The following ANKRD44 variants were observed in gnomAD, a reference collection of about 807,000 sequenced individuals.
ANKRD44 encodes ankyrin repeat domain 44, also known as serine/threonine-protein phosphatase 6 regulatory ankyrin repeat subunit B.
Under a neutral mutation model 116.0 loss-of-function variants are expected in ANKRD44, and 35 were observed. The observed-to-expected ratio is 0.30, with a 90% CI of 0.23 to 0.40. ANKRD44 has a LOEUF of 0.40. ANKRD44 is among the 10% of genes least tolerant of loss of function. The probability of loss-of-function intolerance (pLI) is 1.00; values close to 1 mark genes in which losing one functional copy is unlikely to be tolerated. For missense variants in ANKRD44, 1,014 were observed against 1,242.6 expected (o/e 0.82, Z 2.77); for synonymous variants, 435 against 461.8 (o/e 0.94, Z 0.74).
intron 17 of ANKRD44, among the ~76,000 whole-genome samples, chr2:197,014,585 C>T (rs1225248147): frequency 1.3e-5 from 2 of 151,956 alleles, no homozygotes; most frequent in Non-Finnish European, 2.9e-5. Flanking sequence ...GTCAGGCATT[C>T]GAGACCAGTC....
intron 16 of ANKRD44, among the ~76,000 whole-genome samples, chr2:197,064,059 G>T (rs183585203): frequency 8.7e-4 from 132 of 152,262 alleles, no homozygotes; most frequent in African/African-American, 2.9e-3. Context: ...GAGAAACGTC[G>T]GGTTACCCTC....
chr2:197,019,957 C>T (rs188336576), intron 17 of ANKRD44, among the ~76,000 whole-genome samples: 30 of 152,062 alleles, frequency 2.0e-4, no homozygotes, highest in African/African-American at 7.0e-4. Flanking sequence ...CCACCATGCC[C>T]AGCTAATTTT....
chr2:197,163,001 T>C (rs1293000906), intron 2 of ANKRD44, among the ~76,000 whole-genome samples: 1 of 152,038 alleles, frequency 6.6e-6, no homozygotes, highest in Non-Finnish European at 1.5e-5. Flanking sequence ...TCTACTAGGG[T>C]CTGGATGGAA....
chr2:197,083,288 G>T, intron 14 of ANKRD44, 81 bp downstream of exon 14: 1 of 1,484,064 alleles, frequency 6.7e-7, no homozygotes, highest in South Asian at 1.4e-5. Context: ...TCCATGAGGC[G>T]GTATGAAGAA....
In ANKRD44 at chr2:196,997,701, G is replaced by A. The variant is rs139304759; in HGVS notation, c.2748+636C>T. Among the ~76,000 whole-genome samples the A allele has an allele frequency of 4.4e-3, 663 of 151,804 alleles. 3 individuals are homozygous for A. The highest frequency in any genetic ancestry group is 0.014 in the African/African-American group (565 of 41,400). On this transcript the variant is annotated intron_variant, in intron 25 of 27. Coordinates refer to ENST00000282272, the MANE Select transcript of ANKRD44 (RefSeq NM_001195144.2). ...CGACCTCAGGTAATCCACCTGCCTC[G>A]GCCTCCCAAAGTGTTGGGATTATAG... is the stretch of plus-strand genomic sequence containing the variant.
rs773839262 is a variant in ANKRD44 at position 197,118,637 on chromosome 2, G to GAGAGAGAGAGAGAGAAAGAA, written c.906+2694_906+2695insTTCTTTCTCTCTCTCTCTCT. 4.4e-5 allele frequency among the ~76,000 whole-genome samples: 5 copies of GAGAGAGAGAGAGAGAAAGAA among 112,442 alleles called. No individual in the cohort carries two copies. The East Asian group carries it at 9.5e-4, about 21-fold the overall frequency. 73.8% of individuals were successfully genotyped at this position (112,442 alleles called of 152,430 possible). A position where few individuals can be genotyped will look rare whatever the true frequency, so the allele number is the denominator to read the frequency against. On this transcript the variant is annotated intron_variant, in intron 8 of 27. Coordinates refer to ENST00000282272, the MANE Select transcript of ANKRD44 (RefSeq NM_001195144.2). ...AGAAAGAGAGAGAGAGAGAGAGAGAGAGAAAGAAAGAAAGAAAGAAAGAAA... is the reference window on the plus strand; with the variant it reads ...AGAAAGAGAGAGAGAGAGAGAGAGAGAGAGAGAGAGAGAGAAAGAAAGAAAGAAAGAAAGAAAGAAAGAAA...
chr2:197,140,510 G>A (rs1441588281), intron 3 of ANKRD44, among the ~76,000 whole-genome samples: 2 of 151,970 alleles, frequency 1.3e-5, no homozygotes, highest in Non-Finnish European at 2.9e-5. Context: ...TTGTAGAGAT[G>A]GGGTCTTGCT....
At chr2:197,004,159 C>G (rs994179604) in intron 21 of ANKRD44, among the ~76,000 whole-genome samples, 3 of 152,044 alleles carry the variant, frequency 2.0e-5, no homozygotes, top group Non-Finnish European at 4.4e-5. Flanking sequence ...GACTGGAAAC[C>G]TGGAAACCAT....
At chr2:197,260,562 T>C (rs1477615419) in intron 1 of ANKRD44, among the ~76,000 whole-genome samples, 2 of 152,090 alleles carry the variant, frequency 1.3e-5, no homozygotes, top group Non-Finnish European at 2.9e-5. Context: ...TGTGTCTTTA[T>C]AGCAGCATGA....
At chr2:197,142,499 A>G (rs886446922) in intron 3 of ANKRD44, among the ~76,000 whole-genome samples, 5 of 152,228 alleles carry the variant, frequency 3.3e-5, no homozygotes, top group African/African-American at 1.2e-4. Flanking sequence ...AACAATTACC[A>G]TAGAAGAGGG....
chr2:197,303,261 T>G (rs1425161533), intron 1 of ANKRD44, among the ~76,000 whole-genome samples: 2 of 152,204 alleles, frequency 1.3e-5, no homozygotes, highest in African/African-American at 4.8e-5. Context: ...AGACTGACAT[T>G]GAAATATGTG....
intron 16 of ANKRD44, chr2:197,078,312 C>T: frequency 4.4e-6 from 1 of 225,322 alleles, no homozygotes; most frequent in Non-Finnish European, 9.1e-6. Context: ...CACACACACA[C>T]ACACACACAC....
chr2:197,066,959 A>G (rs1214476851), intron 16 of ANKRD44, among the ~76,000 whole-genome samples: 1 of 152,234 alleles, frequency 6.6e-6, no homozygotes, highest in Non-Finnish European at 1.5e-5. Context: ...GAACCAAAAA[A>G]GAGCCCGCGT....
intron 9 of ANKRD44, among the ~76,000 whole-genome samples, chr2:197,108,963 C>T (rs1258120303): frequency 3.3e-5 from 5 of 152,190 alleles, no homozygotes; most frequent in African/African-American, 1.2e-4. Flanking sequence ...GAGGCCAAAG[C>T]TGCCAGCAGT....
At chr2:197,037,000 T>C (rs2076819714) in intron 16 of ANKRD44, among the ~76,000 whole-genome samples, 1 of 152,202 alleles carries the variant, frequency 6.6e-6, no homozygotes, top group African/African-American at 2.4e-5. Context: ...GAGTTTTTAA[T>C]GACATTGGGA....
chr2:197,162,698 T>C (rs2079997705), intron 2 of ANKRD44, among the ~76,000 whole-genome samples: 1 of 152,146 alleles, frequency 6.6e-6, no homozygotes, highest in Admixed American at 6.5e-5. Context: ...CTGCATCCCC[T>C]CCTCCATGCT....
intron 2 of ANKRD44, among the ~76,000 whole-genome samples, chr2:197,164,598 C>T (rs1230689334): frequency 6.6e-6 from 1 of 152,180 alleles, no homozygotes; most frequent in African/African-American, 2.4e-5. Flanking sequence ...AGCCCCCTCC[C>T]CTGCTGCTGC....
intron 4 of ANKRD44, among the ~76,000 whole-genome samples, chr2:197,129,603 T>C (rs1022131733): frequency 3.3e-5 from 5 of 152,216 alleles, no homozygotes; most frequent in Non-Finnish European, 7.3e-5. Flanking sequence ...GGAGGAGCTG[T>C]CATGGGATGT....
chr2:197,006,345 T>A (rs1341535644), intron 20 of ANKRD44, among the ~76,000 whole-genome samples: 1 of 152,098 alleles, frequency 6.6e-6, no homozygotes, highest in Non-Finnish European at 1.5e-5. Flanking sequence ...CTTGGGAGGC[T>A]GAGGCAGGAG....
Sources: gnomAD v4.1 joint callset for allele counts (sites outside exome capture counted in the v4.1 genomes callset) on GRCh38, gnomAD v4.1.1 for gene constraint, MANE v1.5 for transcripts, NCBI Gene and HGNC (gene_info 2026-07-23, HGNC 2026-07-21) for gene names.